The following ERC1 variants were observed in gnomAD, a reference collection of about 807,000 sequenced individuals.
ERC1 encodes the protein ELKS/RAB6-interacting/CAST family member 1, also known as RAB6 interacting protein 2.
In ERC1, 56 loss-of-function variants were observed where a neutral mutation model predicts 132.0. That is an observed-to-expected ratio of 0.42 (90% CI 0.34 to 0.53). ERC1 has a LOEUF of 0.53. ERC1 is among the 20% of genes least tolerant of loss of function. ERC1 has a pLI of 0.03. For synonymous variants in ERC1, 478 were observed against 476.1 expected, an observed-to-expected ratio of 1.00 and a Z score of -0.05; for missense variants, 1,202 against 1,349.9, an observed-to-expected ratio of 0.89 and a Z score of 1.72.
At chr12:1,418,662 T>C (rs1185936343) in intron 17 of ERC1, among the ~76,000 whole-genome samples, 4 of 112,810 alleles carry the variant, frequency 3.5e-5, no homozygotes, top group Admixed American at 2.7e-4. Context: ...TCTCTCTCTC[T>C]TTCTTTTCTT....
chr12:1,079,211 A>C (rs1941838219), intron 2 of ERC1, among the ~76,000 whole-genome samples: 6 of 150,932 alleles, frequency 4.0e-5, no homozygotes, highest in Admixed American at 3.9e-4. Flanking sequence ...ATACAGAGAT[A>C]CAGATAGAAA....
chr12:1,042,535 A>ACTAT (rs1970419119), intron 2 of ERC1, among the ~76,000 whole-genome samples: 5 of 150,570 alleles, frequency 3.3e-5, no homozygotes, highest in South Asian at 2.1e-4. Flanking sequence ...TAGTAGAGAC[A>ACTAT]GGGTTTCACT....
At chr12:1,138,764 G>C (rs532686963) in intron 7 of ERC1, among the ~76,000 whole-genome samples, 130 of 152,210 alleles carry the variant, frequency 8.5e-4, no homozygotes, top group Non-Finnish European at 1.5e-3. Flanking sequence ...TATGGCAAAG[G>C]TTAGGCAGTG....
chr12:1,044,641 T>A (rs1054375658), intron 2 of ERC1, among the ~76,000 whole-genome samples: 1 of 152,206 alleles, frequency 6.6e-6, no homozygotes, highest in Non-Finnish European at 1.5e-5. Flanking sequence ...ATTTCTTAAA[T>A]ACAAATACAT....
chr12:1,257,832 C>G (rs1378560384), intron 13 of ERC1, among the ~76,000 whole-genome samples: 1 of 151,904 alleles, frequency 6.6e-6, no homozygotes, highest in Non-Finnish European at 1.5e-5. Context: ...TAAAAGGAAA[C>G]ATTAATTTTA....
chr12:1,321,554 C>T (rs908113708), intron 15 of ERC1, among the ~76,000 whole-genome samples: 1 of 152,166 alleles, frequency 6.6e-6, no homozygotes, highest in Non-Finnish European at 1.5e-5. Context: ...GGCTTCACTC[C>T]TAGAAACTCG....
At chr12:1,109,789 C>T (rs922773177) in intron 4 of ERC1, among the ~76,000 whole-genome samples, 1 of 152,156 alleles carries the variant, frequency 6.6e-6, no homozygotes, top group Non-Finnish European at 1.5e-5. Flanking sequence ...GGCTCACGCC[C>T]ATAAGCCCAC....
At chr12:1,177,251 G>T (rs1474639454) in intron 8 of ERC1, among the ~76,000 whole-genome samples, 3 of 152,184 alleles carry the variant, frequency 2.0e-5, no homozygotes, top group African/African-American at 7.2e-5. Flanking sequence ...GTTCATCGGA[G>T]TGGCACTTTT....
intron 2 of ERC1, among the ~76,000 whole-genome samples, chr12:1,030,986 T>C (rs898462109): frequency 6.6e-5 from 10 of 152,192 alleles, no homozygotes; most frequent in Non-Finnish European, 1.5e-4. Context: ...TCAGAACATA[T>C]CTCTGTCATT....
intron 8 of ERC1, among the ~76,000 whole-genome samples, chr12:1,156,505 G>A (rs1951416395): frequency 6.6e-6 from 1 of 152,124 alleles, no homozygotes; most frequent in Non-Finnish European, 1.5e-5. Flanking sequence ...CCAAAGTGCA[G>A]GGATTACATT....
chr12:1,050,954 G>A (rs538585992), intron 2 of ERC1, among the ~76,000 whole-genome samples: 1 of 151,976 alleles, frequency 6.6e-6, no homozygotes, highest in Non-Finnish European at 1.5e-5. Flanking sequence ...GCAGTGAGCC[G>A]AGATTGTGCC....
At position 1,470,757 on chromosome 12, in the gene ERC1, A is replaced by G. The variant is rs2154427414; in HGVS notation, c.3214-19336A>G. Among the ~76,000 whole-genome samples the G allele has an allele frequency of 2.0e-5, 3 of 152,342 alleles. No homozygotes were observed. The South Asian group carries it at 6.2e-4, about 32-fold the overall frequency. ...TGGGAAATCTGCTTCTTTGTTTAGA[A>G]TACTCCACACTTTCTCAAGCCTGCA... On this transcript the variant is annotated intron_variant, in intron 18 of 18. Transcript: ENST00000360905.
At chr12:1,308,058 C>T (rs73032714) in intron 15 of ERC1, among the ~76,000 whole-genome samples, 5,359 of 152,192 alleles carry the variant, frequency 0.035, 104 homozygotes, top group Middle Eastern at 0.075. Context: ...TATAAGACAT[C>T]ATTTTATTAT....
chr12:1,280,437 G>T (rs2078600848), intron 14 of ERC1, among the ~76,000 whole-genome samples: 1 of 152,128 alleles, frequency 6.6e-6, no homozygotes, highest in African/African-American at 2.4e-5. Context: ...TTTAATAAAT[G>T]AATAAAGATG....
chr12:1,123,919 C>T (rs1947855595), intron 7 of ERC1, among the ~76,000 whole-genome samples: 1 of 152,176 alleles, frequency 6.6e-6, no homozygotes, highest in Non-Finnish European at 1.5e-5. Flanking sequence ...TTGCTTGAAC[C>T]CAGGAGGTAG....
intron 14 of ERC1, 119 bp downstream of exon 14, chr12:1,263,284 A>G (rs1226153673): frequency 8.7e-6 from 8 of 923,830 alleles, no homozygotes; most frequent in Non-Finnish European, 1.6e-6. Context: ...AAAACACTTC[A>G]TAGAGGAGAA....
intron 15 of ERC1, among the ~76,000 whole-genome samples, chr12:1,357,489 T>C (rs2085653434): frequency 6.6e-6 from 1 of 152,186 alleles, no homozygotes; most frequent in African/African-American, 2.4e-5. Flanking sequence ...AGCAGAAGCA[T>C]TCTGGAGTTT....
At chr12:1,441,518 G>A (rs140094020) in intron 17 of ERC1, among the ~76,000 whole-genome samples, 348 of 152,098 alleles carry the variant, frequency 2.3e-3, no homozygotes, top group African/African-American at 7.2e-3. Context: ...CCCTTTCTTC[G>A]TGGTCATACT....
chr12:1,191,675 A>C (rs1955747888), intron 12 of ERC1, among the ~76,000 whole-genome samples: 1 of 152,202 alleles, frequency 6.6e-6, no homozygotes, highest in South Asian at 2.1e-4. Flanking sequence ...CACACCAAAT[A>C]GCAGCTTTTA....
Sources: gnomAD v4.1 joint callset for allele counts (sites outside exome capture counted in the v4.1 genomes callset) on GRCh38, gnomAD v4.1.1 for gene constraint, MANE v1.5 for transcripts, NCBI Gene and HGNC (gene_info 2026-07-23, HGNC 2026-07-21) for gene names.